RALGAPA2: variants seen among roughly 807,000 people sequenced by gnomAD.
The protein encoded by RALGAPA2 is Ral GTPase activating protein catalytic subunit alpha 2.
Under a neutral mutation model 230.4 loss-of-function variants are expected in RALGAPA2, and 139 were observed. The observed-to-expected ratio is 0.60, with a 90% confidence interval of 0.53 to 0.69. The LOEUF (loss-of-function observed/expected upper bound fraction) is 0.69. Ranked by LOEUF, RALGAPA2 falls within the 30% of genes least tolerant of loss-of-function variation. The pLI, the probability that RALGAPA2 is intolerant of heterozygous loss-of-function variation, is 0.00. For missense variants in RALGAPA2, 2,163 were observed against 2,276.0 expected, an observed-to-expected ratio of 0.95 and a Z score of 1.01; for synonymous variants, 847 against 837.8, an observed-to-expected ratio of 1.01 and a Z score of -0.19.
chr20:20,498,392 C>T (rs956734844), intron 35 of RALGAPA2, among the ~76,000 whole-genome samples: 7 of 152,222 alleles, frequency 4.6e-5, no homozygotes, highest in Non-Finnish European at 7.3e-5. Flanking sequence ...AACTTTTCAT[C>T]CTAACAGAGT....
intron 2 of RALGAPA2, among the ~76,000 whole-genome samples, chr20:20,680,411 T>C (rs1207330430): frequency 6.6e-6 from 1 of 152,230 alleles, no homozygotes; most frequent in African/African-American, 2.4e-5. Context: ...AGTATGCATG[T>C]ATTACTTTTC....
In RALGAPA2 at chr20:20,526,414, C is replaced by T. The variant is rs1231754929; in HGVS notation, c.3583-52G>A. ...CAGACACATAACTTAACAGGTGTAT[C>T]GTTCTTAAGGACAAAATAGTTATTT... On this transcript the variant is annotated intron_variant, in intron 27 of 39. Coordinates refer to ENST00000202677, the MANE Select transcript of RALGAPA2 (RefSeq NM_020343.4). The T allele has an allele frequency of 1.3e-5, 16 of 1,213,970 alleles. No individual in the cohort carries two copies. In the Admixed American group the frequency reaches 1.5e-4, roughly 11 times the overall value. 75.2% of individuals were successfully genotyped at this position (1,213,970 alleles called of 1,614,324 possible).
Position 20,563,397 on chromosome 20 carries a change from C to T in RALGAPA2, c.3156+8061G>A, listed in dbSNP as rs572514823. On this transcript the variant is annotated intron_variant, in intron 23 of 39. Coordinates refer to ENST00000202677, the MANE Select transcript of RALGAPA2 (RefSeq NM_020343.4). ...TCAATTACAGAGCCCTTTAGATGTC[C>T]CATTTTAATAATTATAAATACATTT... Among the ~76,000 whole-genome samples, 7 of 152,280 alleles carry T rather than the reference C, an allele frequency of 4.6e-5. No homozygotes were observed. The South Asian group carries it at 1.5e-3, about 32-fold the overall frequency.
Position 20,472,826 on chromosome 20 carries a change from T to C in RALGAPA2, c.5495+3A>G, listed in dbSNP as rs1450219067. 3 of 1,608,522 alleles carry C rather than the reference T, an allele frequency of 1.9e-6. No homozygotes were observed. Among genetic ancestry groups the C allele is most frequent in the African/African-American group, 1.3e-5 (1 of 74,496 alleles). On this transcript the variant is annotated splice_donor_region_variant and intron_variant, in intron 37 of 39. Transcript: ENST00000202677. ...AAGTTACACATTTAAAGCAAAAAGA[T>C]ACAAGCTCTGGTAGAGTGGGATGAG...
At chr20:20,650,942 T>C (rs934281928) in intron 4 of RALGAPA2, among the ~76,000 whole-genome samples, 6 of 152,246 alleles carry the variant, frequency 3.9e-5, no homozygotes, top group Non-Finnish European at 8.8e-5. Context: ...GAAGTTCTTC[T>C]GTGTAAGTCA....
intron 14 of RALGAPA2, among the ~76,000 whole-genome samples, chr20:20,606,701 A>C (rs903221648): frequency 5.9e-5 from 9 of 151,986 alleles, no homozygotes; most frequent in African/African-American, 1.9e-4. Flanking sequence ...CCATCAATGC[A>C]CCTATCACAC....
intron 23 of RALGAPA2, among the ~76,000 whole-genome samples, chr20:20,566,293 G>T (rs1214979447): frequency 1.3e-5 from 2 of 152,200 alleles, no homozygotes; most frequent in South Asian, 2.1e-4. Context: ...ATTGGGTGGG[G>T]TGAAAAGTGA....
chr20:20,563,790 A>G (rs2064327879), intron 23 of RALGAPA2, among the ~76,000 whole-genome samples: 2 of 152,072 alleles, frequency 1.3e-5, no homozygotes, highest in Non-Finnish European at 2.9e-5. Flanking sequence ...TCAGTACTAC[A>G]TCCTACCTCT....
At chr20:20,511,420 T>C in intron 32 of RALGAPA2, 95 bp from the exon 33 acceptor site, 1 of 1,458,986 alleles carries the variant, frequency 6.9e-7, no homozygotes, top group Non-Finnish European at 9.0e-7. Context: ...CTATCATCCA[T>C]CCTCTACCAC....
chr20:20,402,509 G>A (rs375228107), intron 38 of RALGAPA2, among the ~76,000 whole-genome samples: 9 of 152,196 alleles, frequency 5.9e-5, no homozygotes, highest in Admixed American at 3.3e-4. Context: ...GGCGGGACAC[G>A]TGGCTGAGCT....
chr20:20,632,548 A>C (rs2066710533), intron 9 of RALGAPA2, among the ~76,000 whole-genome samples: 1 of 152,232 alleles, frequency 6.6e-6, no homozygotes, highest in Non-Finnish European at 1.5e-5. Context: ...TGACCTTTTT[A>C]AACCAGAGAG....
intron 23 of RALGAPA2, among the ~76,000 whole-genome samples, chr20:20,552,944 AAAAC>A (rs2063970607): frequency 8.0e-6 from 1 of 124,700 alleles, no homozygotes; most frequent in Non-Finnish European, 1.9e-5. Flanking sequence ...CGGCCCTTTA[AAAAC>A]AAAACAAAAC....
rs140231898 is a variant in RALGAPA2, at chr20:20,480,020, A to G, written c.5368-7064T>C. ...ATATTATTTACAACAGCATAAAAAT[A>G]TAAAATAGATCTAACAAGGAAAGTA... On this transcript the variant is annotated intron_variant, in intron 36 of 39. Coordinates refer to ENST00000202677, the MANE Select transcript of RALGAPA2 (RefSeq NM_020343.4). 3.2e-4 allele frequency among the ~76,000 whole-genome samples: 48 copies of G among 152,378 alleles called. No individual in the cohort carries two copies. The East Asian group carries it at 8.1e-3, about 26-fold the overall frequency.
At chr20:20,401,117 C>T (rs2059825501) in intron 38 of RALGAPA2, among the ~76,000 whole-genome samples, 2 of 152,094 alleles carry the variant, frequency 1.3e-5, no homozygotes, top group African/African-American at 4.8e-5. Context: ...GGTTGCATAA[C>T]CTAATGAATA....
At chr20:20,589,955 A>C (rs1261819971) in intron 17 of RALGAPA2, among the ~76,000 whole-genome samples, 1 of 151,696 alleles carries the variant, frequency 6.6e-6, no homozygotes, top group Non-Finnish European at 1.5e-5. Context: ...AAATCTAAAT[A>C]GTCCTATAAC....
chr20:20,535,863 T>TCTGACCATGTTCCAGG (rs1326899125), intron 25 of RALGAPA2, 60 bp from the exon 26 acceptor site: 7 of 1,512,924 alleles, frequency 4.6e-6, no homozygotes, highest in Non-Finnish European at 6.2e-6. Flanking sequence ...TCCCACATGT[T>TCTGACCATGTTCCAGG]CTGACCATGT....
At chr20:20,397,804 C>G (rs1006655909) in intron 38 of RALGAPA2, among the ~76,000 whole-genome samples, 2 of 152,180 alleles carry the variant, frequency 1.3e-5, no homozygotes, top group Admixed American at 1.3e-4. Context: ...GACATCTTTT[C>G]CAATCTATTG....
rs536485764 is a variant in RALGAPA2, at chr20:20,504,353, GT to G, written c.5053-848del. ...TTTGACTCTGATGTACTCTTACCCT[GT>G]TTCCATCCCTGCCTTAGTCCCCTTG... On this transcript the variant is annotated intron_variant, in intron 34 of 39. Coordinates refer to ENST00000202677, the MANE Select transcript of RALGAPA2 (RefSeq NM_020343.4). Among the ~76,000 whole-genome samples, 312 of 152,300 alleles carry G rather than the reference GT, an allele frequency of 2.0e-3. 4 individuals carry two copies. Among genetic ancestry groups the G allele is most frequent in the Admixed American group, 0.019 (289 of 15,306 alleles).
At chr20:20,592,548 C>T (rs374008318) in intron 16 of RALGAPA2, among the ~76,000 whole-genome samples, 23 of 152,286 alleles carry the variant, frequency 1.5e-4, no homozygotes, top group South Asian at 4.1e-4. Flanking sequence ...CACTCACTGA[C>T]GTAGTCATGA....
Sources: gnomAD v4.1 joint callset for allele counts (sites outside exome capture counted in the v4.1 genomes callset) on GRCh38, gnomAD v4.1.1 for gene constraint, MANE v1.5 for transcripts, NCBI Gene and HGNC (gene_info 2026-07-23, HGNC 2026-07-21) for gene names.